The following KY variants were observed in gnomAD, a reference collection of about 807,000 sequenced individuals.
KY encodes the protein kyphoscoliosis peptidase.
KY carries 43 observed loss-of-function variants against 76.1 expected under a neutral mutation model. The ratio of observed to expected loss-of-function variants is 0.57; its 90% CI spans 0.44 to 0.73. KY has a LOEUF of 0.73. Among genes scored for constraint, KY ranks in the 30% least tolerant of loss-of-function variants. The pLI, the probability that KY is intolerant of heterozygous loss-of-function variation, is 0.00. For missense variants in KY, 722 were observed against 828.9 expected, an observed-to-expected ratio of 0.87 and a Z score of 1.58; for synonymous variants, 277 against 326.2, an observed-to-expected ratio of 0.85 and a Z score of 1.63.
At chr3:134,618,848 T>C (rs1453051642) in intron 8 of KY, among the ~76,000 whole-genome samples, 3 of 152,200 alleles carry the variant, frequency 2.0e-5, no homozygotes, top group Non-Finnish European at 4.4e-5. Context: ...CTGCCATTCT[T>C]TTAACCTTCA....
intron 1 of KY, among the ~76,000 whole-genome samples, chr3:134,647,787 G>C (rs2108041913): frequency 6.6e-6 from 1 of 152,296 alleles, no homozygotes; most frequent in South Asian, 2.1e-4. Context: ...CCTCTCCACT[G>C]CATACATATG....
Position 134,603,899 on chromosome 3 carries a change from C to G in KY, c.1666G>C (p.Val556Leu). 6.2e-7 allele frequency: 1 copy of G among 1,613,996 alleles called. No individual in the cohort carries two copies. Among genetic ancestry groups the G allele is most frequent in the Non-Finnish European group, 8.5e-7 (1 of 1,179,890 alleles). Reference protein sequence around the residue: ...GNYIFVFNYLVCCANTKVNWP... With the variant: ...GNYIFVFNYLLCCANTKVNWP... ...TTCACCTTGGTGTTGGCACAGCATA[C>G]AAGGTAATTAAAGACGAAGATGTAG... The change falls in exon 11 of 11, where the codon GTA becomes CTA. Residue 556 changes from valine to leucine, a missense_variant. Around this residue, in one of 2 missense-constraint regions of KY, gnomAD observed 552 missense variants for 680.9 expected, o/e 0.81. Coordinates refer to ENST00000423778, the MANE Select transcript of KY (RefSeq NM_178554.6).
chr3:134,640,013 A>T (rs2107982915), intron 3 of KY: 1 of 155,302 alleles, frequency 6.4e-6, no homozygotes, highest in East Asian at 1.9e-4. Context: ...CCTTGTGATT[A>T]CTCTCCTTAC....
intron 3 of KY, among the ~76,000 whole-genome samples, chr3:134,635,241 A>G (rs911371013): frequency 6.6e-6 from 1 of 152,184 alleles, no homozygotes; most frequent in African/African-American, 2.4e-5. Context: ...TCATGCCTGT[A>G]ATCCCAGCAC....
Position 134,629,668 on chromosome 3 carries a change from G to C in KY, c.290C>G (p.Pro97Arg), listed in dbSNP as rs1218835420. 1.3e-6 allele frequency: 2 copies of C among 1,598,574 alleles called. No homozygotes were observed. The highest frequency in any genetic ancestry group is 2.7e-5 in the African/African-American group (2 of 74,716). ...QGTQLTVEVH[P>R]RDAMPQLLKK... ...GAGCAGCTGGGGCATGGCATCTCGA[G>C]GGTGGACTTCCACAGTCAGTTGTGT... Residue 97 changes from proline to arginine, a missense_variant, in exon 4 of 11, where the codon CCT (proline) becomes CGT (arginine). Transcript: ENST00000423778.
intron 10 of KY, chr3:134,608,364 C>G (rs1257141638): frequency 7.4e-7 from 1 of 1,354,864 alleles, no homozygotes; most frequent in East Asian, 3.8e-5. Flanking sequence ...CCTTCAAGTT[C>G]TAGGAAACCT....
chr3:134,612,944 A>G (rs1960796968), intron 8 of KY: 1 of 152,536 alleles, frequency 6.6e-6, no homozygotes, highest in Non-Finnish European at 1.5e-5. Flanking sequence ...AATAATGATT[A>G]TGTGTTACTT....
In KY at chr3:134,609,088, G is replaced by A. The variant is rs116161844; in HGVS notation, c.900-249C>T. ...TCTGCACTCAGTGCCCTAGGCTGTC[G>A]AGGGGAAAACTGACTGCCTCATGCT... On this transcript the variant is annotated intron_variant, in intron 9 of 10. Transcript: ENST00000423778. 3.2e-3 allele frequency among the ~76,000 whole-genome samples: 484 copies of A among 152,314 alleles called. 4 individuals are homozygous for A. The highest frequency in any genetic ancestry group is 0.011 in the African/African-American group (446 of 41,574).
At chr3:134,642,012 T>C (rs1176942653) in intron 3 of KY, among the ~76,000 whole-genome samples, 1 of 152,186 alleles carries the variant, frequency 6.6e-6, no homozygotes, top group Non-Finnish European at 1.5e-5. Flanking sequence ...CTTGTCCTTG[T>C]AGTTCTCAGG....
chr3:134,609,794 G>A (rs545832702), intron 9 of KY, among the ~76,000 whole-genome samples: 1 of 152,218 alleles, frequency 6.6e-6, no homozygotes, highest in Non-Finnish European at 1.5e-5. Flanking sequence ...CCTGGTGTCT[G>A]GGCAAAGCAG....
intron 10 of KY, among the ~76,000 whole-genome samples, chr3:134,604,964 C>G (rs888167857): frequency 3.3e-5 from 5 of 152,154 alleles, no homozygotes; most frequent in African/African-American, 1.2e-4. Context: ...GCTTCACTCC[C>G]TGAGACTGTG....
chr3:134,607,016 C>T (rs570239534), intron 10 of KY: 1 of 984,546 alleles, frequency 1.0e-6, no homozygotes, highest in African/African-American at 1.7e-5. Flanking sequence ...TATATGGAAT[C>T]ATATTTAGGT....
At position 134,649,208 on chromosome 3, in the gene KY, G is replaced by T. The variant is rs564625611; in HGVS notation, c.136+1617C>A. Among the ~76,000 whole-genome samples, 13 of 152,316 alleles carry T rather than the reference G, an allele frequency of 8.5e-5. No individual in the cohort carries two copies. The South Asian group carries it at 2.7e-3, about 32-fold the overall frequency. ...ATTTGGAGAAAAAGTTCAGCAGAAA[G>T]GGCCCAGCCATTAGGGGTCTTTTTT... On this transcript the variant is annotated intron_variant, in intron 1 of 10. Coordinates refer to ENST00000423778, the MANE Select transcript of KY (RefSeq NM_178554.6).
intron 4 of KY, chr3:134,629,377 G>C (rs1234978871): frequency 2.0e-6 from 1 of 496,750 alleles, no homozygotes; most frequent in Non-Finnish European, 3.6e-6. Context: ...GTGATGCAAT[G>C]TGTCTTCAGC....
At position 134,647,423 on chromosome 3, in the gene KY, AAG is replaced by A. The variant is rs553188224; in HGVS notation, c.199+10_199+11del. The A allele has an allele frequency of 1.5e-4, 240 of 1,597,064 alleles. No individual in the cohort carries two copies. The African/African-American group carries it at 2.3e-3, about 15-fold the overall frequency. On this transcript the variant is annotated intron_variant, in intron 2 of 10. Transcript: ENST00000423778. ...TTAAATCCTATAGGTTGAAAGGAAA[AAG>A]AGAATTTACCGTGAAAGTCATTTCC...
At chr3:134,612,375 G>A (rs1486332925) in intron 8 of KY, among the ~76,000 whole-genome samples, 1 of 152,214 alleles carries the variant, frequency 6.6e-6, no homozygotes, top group African/African-American at 2.4e-5. Context: ...GAAGGAAGGG[G>A]AGAAGGGGCA....
chr3:134,644,700 AG>A (rs574611974), intron 2 of KY, among the ~76,000 whole-genome samples: 1 of 152,182 alleles, frequency 6.6e-6, no homozygotes, highest in Non-Finnish European at 1.5e-5. Context: ...TGTGCAGATC[AG>A]CCGCTCAGTG....
At chr3:134,629,874 A>G (rs900742345) in intron 3 of KY, among the ~76,000 whole-genome samples, 179 bp from the exon 4 acceptor site, 6 of 152,206 alleles carry the variant, frequency 3.9e-5, no homozygotes, top group Non-Finnish European at 8.8e-5. Flanking sequence ...TAGTTTCCAG[A>G]TTCAGGCAAG....
chr3:134,621,888 C>T (rs560192752), intron 6 of KY, among the ~76,000 whole-genome samples: 1 of 152,062 alleles, frequency 6.6e-6, no homozygotes, highest in South Asian at 2.1e-4. Context: ...CAACCCAATT[C>T]AAAAAGGGGC....
Sources: gnomAD v4.1 joint callset for allele counts (sites outside exome capture counted in the v4.1 genomes callset) on GRCh38, gnomAD v4.1.1 for gene constraint, gnomAD v4.1.1 regional missense constraint, MANE v1.5 for transcripts, NCBI Gene and HGNC (gene_info 2026-07-23, HGNC 2026-07-21) for gene names.